The following CSNK2A2IP variants were observed in gnomAD, a reference collection of about 807,000 sequenced individuals.
CSNK2A2IP encodes casein kinase 2 subunit alpha' interacting protein.
At chr3:88,360,425 G>A in the CSNK2A2IP span, among the ~76,000 whole-genome samples, 3 of 152,218 alleles carry the variant, frequency 2.0e-5, no homozygotes, top group Non-Finnish European at 2.9e-5. Context: ...GAGCCACTGC[G>A]CCCGGCCAAG....
At chr3:88,399,108 A>G in the CSNK2A2IP span, among the ~76,000 whole-genome samples, 1 of 152,204 alleles carries the variant, frequency 6.6e-6, no homozygotes, top group Non-Finnish European at 1.5e-5. Context: ...ACATTGATAT[A>G]GGTGGTGTTT....
the CSNK2A2IP span, among the ~76,000 whole-genome samples, chr3:88,356,536 T>C: frequency 6.6e-6 from 1 of 152,156 alleles, no homozygotes; most frequent in Non-Finnish European, 1.5e-5. Context: ...TCTTGACTAT[T>C]GTAAATAAAG....
chr3:88,357,891 T>A, the CSNK2A2IP span, among the ~76,000 whole-genome samples: 1 of 151,170 alleles, frequency 6.6e-6, no homozygotes, highest in Non-Finnish European at 1.5e-5. Flanking sequence ...AGTAGCTAAT[T>A]TTTTTTTGTA....
the CSNK2A2IP span, among the ~76,000 whole-genome samples, chr3:88,384,089 C>T: frequency 6.6e-6 from 1 of 152,064 alleles, no homozygotes; most frequent in Non-Finnish European, 1.5e-5. Flanking sequence ...GAAACATTTT[C>T]CAGAGTGGCT....
chr3:88,426,519 A>G, the CSNK2A2IP span, among the ~76,000 whole-genome samples: 2 of 152,318 alleles, frequency 1.3e-5, no homozygotes, highest in South Asian at 4.1e-4. Flanking sequence ...GTTCGCACCC[A>G]AATCTCACCC....
At chr3:88,389,427 G>A in the CSNK2A2IP span, among the ~76,000 whole-genome samples, 19 of 152,162 alleles carry the variant, frequency 1.2e-4, no homozygotes, top group African/African-American at 1.9e-4. Flanking sequence ...AGAGAAGTGA[G>A]GCAGGATGAG....
chr3:88,354,196 A>G, the CSNK2A2IP span, among the ~76,000 whole-genome samples: 2 of 152,132 alleles, frequency 1.3e-5, no homozygotes, highest in Non-Finnish European at 2.9e-5. Flanking sequence ...GAACTAAATA[A>G]ACTTCTTTTC....
At chr3:88,359,085 T>C in the CSNK2A2IP span, among the ~76,000 whole-genome samples, 1 of 151,782 alleles carries the variant, frequency 6.6e-6, no homozygotes, top group African/African-American at 2.4e-5. Context: ...CTTTTCTATC[T>C]CATTACTTGT....
At chr3:88,460,176 A>AT in the CSNK2A2IP span, among the ~76,000 whole-genome samples, 15 of 151,856 alleles carry the variant, frequency 9.9e-5, no homozygotes, top group East Asian at 1.7e-3. Context: ...TCATGGTGGT[A>AT]TTTTTTTTCT....
the CSNK2A2IP span, among the ~76,000 whole-genome samples, chr3:88,363,611 C>G: frequency 6.6e-6 from 1 of 152,136 alleles, no homozygotes; most frequent in Non-Finnish European, 1.5e-5. Context: ...GGATGTCATG[C>G]ATCATTAGTT....
At chr3:88,466,506 A>G in the CSNK2A2IP span, 1 of 1,231,896 alleles carries the variant, frequency 8.1e-7, no homozygotes, top group East Asian at 3.2e-5. Flanking sequence ...CCAGGAACAC[A>G]GCTGCTTCAA....
the CSNK2A2IP span, among the ~76,000 whole-genome samples, chr3:88,371,411 C>G: frequency 6.6e-6 from 1 of 151,458 alleles, no homozygotes; most frequent in East Asian, 1.9e-4. Context: ...ATTACCATAA[C>G]TGAAAATAAA....
At chr3:88,398,881 C>T in the CSNK2A2IP span, among the ~76,000 whole-genome samples, 1 of 152,124 alleles carries the variant, frequency 6.6e-6, no homozygotes, top group African/African-American at 2.4e-5. Flanking sequence ...CTTTCACAGT[C>T]TCTTGCACAT....
At chr3:88,379,963 T>G in the CSNK2A2IP span, among the ~76,000 whole-genome samples, 1 of 152,184 alleles carries the variant, frequency 6.6e-6, no homozygotes, top group Admixed American at 6.6e-5. Context: ...TCATTTATTA[T>G]GGCCACTATA....
At chr3:88,409,939 G>A in the CSNK2A2IP span, among the ~76,000 whole-genome samples, 1 of 151,982 alleles carries the variant, frequency 6.6e-6, no homozygotes, top group Non-Finnish European at 1.5e-5. Flanking sequence ...ATGCATCAGG[G>A]TGACATATTT....
the CSNK2A2IP span, among the ~76,000 whole-genome samples, chr3:88,378,909 A>T: frequency 6.6e-6 from 1 of 152,058 alleles, no homozygotes; most frequent in East Asian, 1.9e-4. Flanking sequence ...TGGTTTCAAA[A>T]GCTGCTCCAT....
chr3:88,420,095 G>A, the CSNK2A2IP span, among the ~76,000 whole-genome samples: 1 of 152,080 alleles, frequency 6.6e-6, no homozygotes, highest in African/African-American at 2.4e-5. Flanking sequence ...CTTGGATATT[G>A]GTATTTTTCA....
At chr3:88,462,878 G>A in the CSNK2A2IP span, among the ~76,000 whole-genome samples, 2 of 152,122 alleles carry the variant, frequency 1.3e-5, no homozygotes, top group Non-Finnish European at 2.9e-5. Context: ...GATAAGCCAG[G>A]ACTAGAAGCA....
chr3:88,381,021 T>C, the CSNK2A2IP span, among the ~76,000 whole-genome samples: 354 of 152,302 alleles, frequency 2.3e-3, 4 homozygotes, highest in East Asian at 0.054. Flanking sequence ...AAATGGGTTC[T>C]CCATGAAAGA....
Sources: gnomAD v4.1 joint callset for allele counts (sites outside exome capture counted in the v4.1 genomes callset) on GRCh38, gnomAD v4.1.1 for gene constraint, MANE v1.5 for transcripts, NCBI Gene and HGNC (gene_info 2026-07-23, HGNC 2026-07-21) for gene names.